Variants in SLC6A5 observed in about 807,000 individuals in gnomAD.
The protein encoded by SLC6A5 is sodium- and chloride-dependent glycine transporter 2.
Under a neutral mutation model 90.5 loss-of-function variants are expected in SLC6A5, and 58 were observed. That is an observed-to-expected ratio of 0.64 (90% CI 0.52 to 0.80). The LOEUF is 0.80. Ranked by LOEUF, SLC6A5 falls within the 30% of genes least tolerant of loss-of-function variation. SLC6A5 has a pLI of 0.00. For missense variants in SLC6A5, 1,015 were observed against 1,017.6 expected, an observed-to-expected ratio of 1.00 and a Z score of 0.03; for synonymous variants, 427 against 401.4, an observed-to-expected ratio of 1.06 and a Z score of -0.76.
chr11:20,645,301 G>C (rs1381070084), intron 13 of SLC6A5, among the ~76,000 whole-genome samples: 1 of 152,112 alleles, frequency 6.6e-6, no homozygotes, highest in African/African-American at 2.4e-5. Flanking sequence ...ACTGAGGTGG[G>C]GGTGGTGGGG....
chr11:20,599,669 A>T lies in SLC6A5; in HGVS notation c.-4A>T. 1 of 1,614,042 alleles carries T rather than the reference A, an allele frequency of 6.2e-7. No individual in the cohort carries two copies. The highest frequency in any genetic ancestry group is 8.5e-7 in the Non-Finnish European group (1 of 1,180,002). On this transcript the variant is annotated 5_prime_UTR_variant, in exon 1 of 16. Coordinates refer to ENST00000525748, the MANE Select transcript of SLC6A5 (RefSeq NM_004211.5). ...ACCAGTTCAGTCTGTTGCCTGTGTC[A>T]GACATGGTGAGTGTTTGCTTTTGTT...
intron 10 of SLC6A5, among the ~76,000 whole-genome samples, chr11:20,633,142 G>A (rs1466011610): frequency 3.3e-5 from 5 of 152,256 alleles, no homozygotes; most frequent in African/African-American, 9.6e-5. Flanking sequence ...CTATGGAGCG[G>A]TGACTCATGT....
intron 1 of SLC6A5, among the ~76,000 whole-genome samples, chr11:20,600,400 A>G (rs898689854): frequency 7.2e-6 from 1 of 137,958 alleles, no homozygotes; most frequent in African/African-American, 3.1e-5. Context: ...GAAGAAGAAG[A>G]AGAAGAAGAA....
rs12364685 is a variant in SLC6A5 at position 20,601,262 on chromosome 11, C to A, written c.137C>A (p.Pro46Gln). Reference protein sequence around the residue: ...PEQELPAAAAPPPPRVPRSAS... With the variant: ...PEQELPAAAAQPPPRVPRSAS... Reference sequence around the variant, plus strand: ...CAGGAGCTTCCCGCGGCTGCCGCCCCGCCGCCGCCACGTGTGCCCAGGTCC... The same window carrying A: ...CAGGAGCTTCCCGCGGCTGCCGCCCAGCCGCCGCCACGTGTGCCCAGGTCC... Residue 46 changes from proline to glutamine, a missense_variant, in exon 2 of 16, where the codon CCG becomes CAG. By Grantham distance (76) the Pro-to-Gln change is moderately conservative. Transcript: ENST00000525748. The A allele has an allele frequency of 1.3e-6, 2 of 1,583,836 alleles. No individual in the cohort carries two copies. The highest frequency in any genetic ancestry group is 1.1e-5 in the South Asian group (1 of 88,932).
At chr11:20,608,717 T>A (rs1852629615) in intron 5 of SLC6A5, among the ~76,000 whole-genome samples, 1 of 152,224 alleles carries the variant, frequency 6.6e-6, no homozygotes, top group Non-Finnish European at 1.5e-5. Flanking sequence ...ACCAGCTTCC[T>A]GTGATCTCTG....
At position 20,655,232 on chromosome 11, in the gene SLC6A5, A is replaced by C. The variant is rs542381340; in HGVS notation, c.*364A>C. ...ATGGCATGGGGGGTGCCAGTAAGGC[A>C]TGTATAGAGTGGCCGAATTACAAGA... On this transcript the variant is annotated 3_prime_UTR_variant, in exon 16 of 16. Transcript: ENST00000525748. 29 of 352,204 alleles carry C rather than the reference A, an allele frequency of 8.2e-5. No homozygotes were observed. The Admixed American group carries it at 1.0e-3, about 12-fold the overall frequency. The allele number at this position is 352,204 out of a possible 1,614,324, so 21.8% of individuals were successfully genotyped here. A position where few individuals can be genotyped will look rare whatever the true frequency, so the allele number is the denominator to read the frequency against.
In SLC6A5 at chr11:20,630,847, G is replaced by A. The variant is rs368118186; in HGVS notation, c.1624+32G>A. On this transcript the variant is annotated intron_variant, in intron 10 of 15. Transcript: ENST00000525748. ...GACAGTTGTTACCCTGCTGTTGCAG[G>A]GCAGGTCCCAGGCTCATGTCACAAG... is the stretch of plus-strand genomic sequence containing the variant. The A allele has an allele frequency of 1.4e-5, 23 of 1,612,964 alleles. No homozygotes were observed. The African/African-American group carries it at 2.5e-4, about 18-fold the overall frequency.
intron 15 of SLC6A5, 83 bp downstream of exon 15, chr11:20,652,539 CG>C: frequency 7.5e-7 from 1 of 1,339,148 alleles, no homozygotes; most frequent in Non-Finnish European, 1.1e-6. Context: ...ACAAAAGATT[CG>C]GTAAACTTAT....
chr11:20,613,205 A>G (rs890213271), intron 5 of SLC6A5, among the ~76,000 whole-genome samples: 1 of 152,192 alleles, frequency 6.6e-6, no homozygotes, highest in African/African-American at 2.4e-5. Context: ...TCTGTAACAT[A>G]GAGATAATAA....
intron 10 of SLC6A5, among the ~76,000 whole-genome samples, chr11:20,633,099 T>C (rs957245898): frequency 7.9e-5 from 12 of 152,108 alleles, no homozygotes; most frequent in Admixed American, 2.6e-4. Flanking sequence ...AGTTAGCCCT[T>C]CAGAGCCATC....
At position 20,601,492 on chromosome 11, in the gene SLC6A5, C is replaced by A. The variant is rs1852476870; in HGVS notation, c.367C>A (p.Pro123Thr). 1 of 1,613,668 alleles carries A rather than the reference C, an allele frequency of 6.2e-7. No homozygotes were observed. Among genetic ancestry groups the A allele is most frequent in the African/African-American group, 1.3e-5 (1 of 75,052 alleles). The part of the protein sequence containing the change: ...GPGNALHCKI[P>T]FLRGPEGDAN... ...CGGCAACGCGCTGCACTGTAAGATC[C>A]CTTTTCTGCGAGGCCCGGAGGGGGA... is the stretch of plus-strand genomic sequence containing the variant. Residue 123 changes from proline (P) to threonine (T), a missense_variant, in exon 2 of 16, where the codon CCT becomes ACT. Pro to Thr is a conservative substitution (Grantham distance 38). Transcript: ENST00000525748.
Position 20,617,780 on chromosome 11 carries a change from A to T in SLC6A5, c.1156A>T (p.Ile386Phe). ...CTTTGTGCTGAAGATTTCTGCAGGGATTGAATATCCTGGCGAGATCAGGTG... is the reference window on the plus strand; with the variant it reads ...CTTTGTGCTGAAGATTTCTGCAGGGTTTGAATATCCTGGCGAGATCAGGTG... Reference protein sequence around the residue: ...KYFVLKISAGIEYPGEIRWPL... With the variant: ...KYFVLKISAGFEYPGEIRWPL... The change falls in exon 7 of 16, where the codon ATT becomes TTT. Residue 386 changes from isoleucine (I) to phenylalanine (F), a missense_variant. Physicochemically the swap from Ile to Phe is conservative, Grantham distance 21 (BLOSUM62 0). Around this residue, in one of 3 missense-constraint regions of SLC6A5, gnomAD observed 567 missense variants for 507.3 expected, o/e 1.12. Coordinates refer to ENST00000525748, the MANE Select transcript of SLC6A5 (RefSeq NM_004211.5). 1 of 1,614,080 alleles carries T rather than the reference A, an allele frequency of 6.2e-7. No individual in the cohort carries two copies.
At chr11:20,602,424 G>C (rs1160414466) in intron 2 of SLC6A5, among the ~76,000 whole-genome samples, 2 of 152,184 alleles carry the variant, frequency 1.3e-5, no homozygotes, top group Non-Finnish European at 2.9e-5. Context: ...GGCAGCTTTT[G>C]CTGGTGGCCC....
intron 6 of SLC6A5, among the ~76,000 whole-genome samples, chr11:20,615,674 T>G (rs2133785849): frequency 6.6e-6 from 1 of 152,298 alleles, no homozygotes; most frequent in Non-Finnish European, 1.5e-5. Flanking sequence ...GCCATGAAAT[T>G]ATGTCTTAAG....
At chr11:20,639,922 C>T (rs895712829) in intron 13 of SLC6A5, among the ~76,000 whole-genome samples, 1 of 152,210 alleles carries the variant, frequency 6.6e-6, no homozygotes, top group African/African-American at 2.4e-5. Flanking sequence ...AAGCTGCCAG[C>T]ACTTTTGGCT....
intron 14 of SLC6A5, among the ~76,000 whole-genome samples, chr11:20,650,839 T>C (rs1225377538): frequency 6.6e-6 from 1 of 151,840 alleles, no homozygotes; most frequent in African/African-American, 2.4e-5. Context: ...GCTAATTTTT[T>C]GTATTTTTAG....
intron 5 of SLC6A5, among the ~76,000 whole-genome samples, chr11:20,608,992 T>G (rs968857941): frequency 1.7e-5 from 2 of 119,730 alleles, no homozygotes; most frequent in Admixed American, 1.7e-4. Context: ...GTGTGTGTGT[T>G]TAAAGCAGGC....
intron 11 of SLC6A5, 64 bp from the exon 12 acceptor site, chr11:20,637,108 G>A: frequency 6.4e-7 from 1 of 1,552,484 alleles, no homozygotes; most frequent in Non-Finnish European, 8.9e-7. Context: ...CATACAAAGG[G>A]CTTGGGGGTA....
chr11:20,617,707 CTCCTT>C, intron 6 of SLC6A5, 40 bp from the exon 7 acceptor site: 15 of 1,583,680 alleles, frequency 9.5e-6, no homozygotes, highest in Non-Finnish European at 1.2e-5. Context: ...ACCTCCCTCT[CTCCTT>C]CTTTCTATCA....
Sources: gnomAD v4.1 joint callset for allele counts (sites outside exome capture counted in the v4.1 genomes callset) on GRCh38, gnomAD v4.1.1 for gene constraint, gnomAD v4.1.1 regional missense constraint, MANE v1.5 for transcripts, NCBI Gene and HGNC (gene_info 2026-07-23, HGNC 2026-07-21) for gene names.